PHACTR3: variants seen among roughly 807,000 people sequenced by gnomAD.
PHACTR3 encodes protein phosphatase 1, regulatory subunit 123.
A neutral mutation model predicts 66.8 loss-of-function variants in PHACTR3; 16 were observed. That is an observed-to-expected ratio of 0.24 (90% CI 0.16 to 0.36). PHACTR3 has a LOEUF of 0.36. Ranked by LOEUF, PHACTR3 falls within the 10% of genes least tolerant of loss-of-function variation. The pLI, the probability that PHACTR3 is intolerant of heterozygous loss-of-function variation, is 1.00. For synonymous variants in PHACTR3, 323 were observed against 292.1 expected (o/e 1.11, Z -1.08); for missense variants, 647 against 719.9 (o/e 0.90, Z 1.16).
rs149899131 is a variant in PHACTR3, at chr20:59,749,159, A to G, written c.358+1324A>G. Among the ~76,000 whole-genome samples the G allele has an allele frequency of 5.3e-4, 80 of 152,276 alleles. 1 individual carries two copies. Among genetic ancestry groups the G allele is most frequent in the African/African-American group, 1.8e-3 (75 of 41,564 alleles). ...GCGGAATGCGGTTGCTGAGCTAGAA[A>G]TCTGGAGGATTTTCACTGGGATGGG... On this transcript the variant is annotated intron_variant, in intron 3 of 12. Coordinates refer to ENST00000371015, the MANE Select transcript of PHACTR3 (RefSeq NM_080672.5).
chr20:59,632,271 G>A (rs116762810), intron 1 of PHACTR3, among the ~76,000 whole-genome samples: 2,683 of 152,248 alleles, frequency 0.018, 95 homozygotes, highest in African/African-American at 0.06. Context: ...GTCCCCTTGC[G>A]TCTGGCTGGG....
intron 1 of PHACTR3, among the ~76,000 whole-genome samples, chr20:59,741,351 TAGC>T (rs1225572360): frequency 1.3e-5 from 2 of 152,240 alleles, no homozygotes; most frequent in African/African-American, 2.4e-5. Flanking sequence ...GCTCCTGTGG[TAGC>T]AGCCGTGCTG....
chr20:59,667,777 T>C (rs142344475), intron 1 of PHACTR3, among the ~76,000 whole-genome samples: 46 of 152,340 alleles, frequency 3.0e-4, no homozygotes, highest in African/African-American at 8.2e-4. Flanking sequence ...TTCCTTTCTC[T>C]TGTGCTGTGG....
chr20:59,614,997 G>A (rs1411949795), intron 1 of PHACTR3, among the ~76,000 whole-genome samples: 1 of 152,080 alleles, frequency 6.6e-6, no homozygotes, highest in East Asian at 1.9e-4. Context: ...CACGGTGTCA[G>A]GACTGTCTTG....
chr20:59,822,778 C>A (rs1021585806), intron 8 of PHACTR3, among the ~76,000 whole-genome samples: 3 of 152,216 alleles, frequency 2.0e-5, no homozygotes, highest in African/African-American at 7.2e-5. Flanking sequence ...AGCTCCCAGC[C>A]TCACTAGGAG....
At chr20:59,645,560 G>C (rs1035316128) in intron 1 of PHACTR3, among the ~76,000 whole-genome samples, 2 of 152,086 alleles carry the variant, frequency 1.3e-5, no homozygotes, top group East Asian at 3.9e-4. Flanking sequence ...CGTCCTGCTT[G>C]ATTTGATTCT....
chr20:59,604,597 TG>T lies in PHACTR3; in HGVS notation c.-412del, dbSNP rs1198028502. On this transcript the variant is annotated 5_prime_UTR_variant, in exon 1 of 13. Coordinates refer to ENST00000371015, the MANE Select transcript of PHACTR3 (RefSeq NM_080672.5). ...CCTTTTCCCTTTTTTCCTGGGGGGG[TG>T]GGGGGTGGGGTGGGGGGAGGGAGCG... is the stretch of plus-strand genomic sequence containing the variant. 3.9e-5 allele frequency: 4 copies of T among 102,698 alleles called. No homozygotes were observed. Among genetic ancestry groups the T allele is most frequent in the African/African-American group, 2.7e-4 (1 of 3,732 alleles). 6.4% of individuals were successfully genotyped at this position (102,698 alleles called of 1,614,324 possible). A position where few individuals can be genotyped will look rare whatever the true frequency, so the allele number is the denominator to read the frequency against.
At chr20:59,636,049 C>T (rs2034891818) in intron 1 of PHACTR3, among the ~76,000 whole-genome samples, 1 of 152,232 alleles carries the variant, frequency 6.6e-6, no homozygotes, top group Non-Finnish European at 1.5e-5. Context: ...TTAGCTAATG[C>T]TGGATCTTGC....
upstream of PHACTR3, among the ~76,000 whole-genome samples, chr20:59,602,688 G>A (rs749371763): frequency 6.6e-5 from 10 of 152,176 alleles, no homozygotes; most frequent in South Asian, 2.1e-4. Context: ...TGCACCTGCC[G>A]TGGCTGGGTC....
chr20:59,844,500 T>C (rs1345023240), intron 11 of PHACTR3: 2 of 152,112 alleles, frequency 1.3e-5, no homozygotes, highest in African/African-American at 4.8e-5. Context: ...CCACACAAAA[T>C]GGAATATTCC....
At chr20:59,765,588 T>G (rs1009635353) in intron 4 of PHACTR3, among the ~76,000 whole-genome samples, 8 of 152,206 alleles carry the variant, frequency 5.3e-5, no homozygotes, top group African/African-American at 1.7e-4. Context: ...AATGAGAGTT[T>G]AAAACTTCCA....
At chr20:59,645,221 C>CTTT (rs11470114) in intron 1 of PHACTR3, among the ~76,000 whole-genome samples, 2 of 120,560 alleles carry the variant, frequency 1.7e-5, no homozygotes, top group East Asian at 2.4e-4. Flanking sequence ...GTTAGCAGAT[C>CTTT]TTTTTTTTTT....
intron 9 of PHACTR3, among the ~76,000 whole-genome samples, chr20:59,837,355 T>C (rs756622647): frequency 6.6e-6 from 1 of 152,204 alleles, no homozygotes; most frequent in Non-Finnish European, 1.5e-5. Flanking sequence ...TTTGTGAACA[T>C]CTTTTTATGA....
Position 59,772,930 on chromosome 20 carries a change from C to T in PHACTR3, c.752-349C>T, listed in dbSNP as rs542104525. ...TGAAGGGTGGCTGCACAGATTCTTC[C>T]GGGTTTCCCAAGAACAAGAAGCAGC... On this transcript the variant is annotated intron_variant, in intron 5 of 12. Transcript: ENST00000371015. 2.0e-4 allele frequency among the ~76,000 whole-genome samples: 31 copies of T among 152,242 alleles called. 1 individual carries two copies. The highest frequency in any genetic ancestry group is 3.9e-4 in the Admixed American group (6 of 15,294).
chr20:59,775,888 C>G (rs891052293), intron 7 of PHACTR3, among the ~76,000 whole-genome samples: 1 of 152,238 alleles, frequency 6.6e-6, no homozygotes, highest in South Asian at 2.1e-4. Context: ...AGGCGATTCT[C>G]TGCTGGGGAG....
intron 1 of PHACTR3, among the ~76,000 whole-genome samples, chr20:59,688,918 G>C (rs1223573158): frequency 6.6e-6 from 1 of 152,172 alleles, no homozygotes; most frequent in South Asian, 2.1e-4. Context: ...GGGCAACGCT[G>C]TGGTTGTTGG....
intron 1 of PHACTR3, among the ~76,000 whole-genome samples, chr20:59,588,036 G>GT (rs2033085988): frequency 6.6e-6 from 1 of 152,126 alleles, no homozygotes; most frequent in South Asian, 2.1e-4. Flanking sequence ...CTTCACATTG[G>GT]TGCCTGCATT....
chr20:59,678,338 T>A (rs534963746), intron 1 of PHACTR3, among the ~76,000 whole-genome samples: 2 of 152,156 alleles, frequency 1.3e-5, no homozygotes, highest in Non-Finnish European at 2.9e-5. Flanking sequence ...ATTTTTAAAG[T>A]ATAAAATACC....
chr20:59,827,703 C>T (rs1442303335), intron 8 of PHACTR3, among the ~76,000 whole-genome samples: 2 of 152,050 alleles, frequency 1.3e-5, no homozygotes, highest in South Asian at 2.1e-4. Flanking sequence ...GCCCAGGCTC[C>T]AGGGGACATA....
Sources: gnomAD v4.1 joint callset for allele counts (sites outside exome capture counted in the v4.1 genomes callset) on GRCh38, gnomAD v4.1.1 for gene constraint, MANE v1.5 for transcripts, NCBI Gene and HGNC (gene_info 2026-07-23, HGNC 2026-07-21) for gene names.